SNX29: variants seen among roughly 807,000 people sequenced by gnomAD.
SNX29 encodes sorting nexin-29.
Under a neutral mutation model 102.1 loss-of-function variants are expected in SNX29, and 78 were observed. The ratio of observed to expected loss-of-function variants is 0.76; its 90% CI spans 0.64 to 0.92. The LOEUF (loss-of-function observed/expected upper bound fraction) is 0.92. Ranked by LOEUF, SNX29 falls within the 40% of genes least tolerant of loss-of-function variation. The pLI is 0.00. For synonymous variants in SNX29, 580 were observed against 414.5 expected (o/e 1.40, Z -4.85); for missense variants, 1,280 against 1,061.7 (o/e 1.21, Z -2.86).
At chr16:12,043,532 T>G (rs1215258739) in intron 5 of SNX29, among the ~76,000 whole-genome samples, 2 of 151,958 alleles carry the variant, frequency 1.3e-5, no homozygotes, top group Non-Finnish European at 2.9e-5. Flanking sequence ...TTTAAAAAAT[T>G]TTTTTGTAGC....
intron 20 of SNX29, among the ~76,000 whole-genome samples, chr16:12,544,178 G>T (rs2077477307): frequency 6.6e-6 from 1 of 152,192 alleles, no homozygotes; most frequent in African/African-American, 2.4e-5. Context: ...GGGAATCGGT[G>T]GTGTGCACAT....
rs190590673 is a variant in SNX29 at position 12,571,082 on chromosome 16, A to T, written c.*2453A>T. ...ATGCTGGTGGCCCGCACATGACAGC[A>T]ACTCCCCGAAGCCTTCCCTTTGGAA... On this transcript the variant is annotated 3_prime_UTR_variant, in exon 21 of 21. Coordinates refer to ENST00000566228, the MANE Select transcript of SNX29 (RefSeq NM_032167.5). 1,084 of 232,692 alleles carry T rather than the reference A, an allele frequency of 4.7e-3. 9 individuals are homozygous for T. Among genetic ancestry groups the T allele is most frequent in the South Asian group, 0.022 (121 of 5,528 alleles). 14.4% of individuals were successfully genotyped at this position (232,692 alleles called of 1,614,324 possible).
At chr16:12,208,285 A>G (rs1420988806) in intron 14 of SNX29, among the ~76,000 whole-genome samples, 11 of 152,148 alleles carry the variant, frequency 7.2e-5, no homozygotes, top group Non-Finnish European at 1.2e-4. Context: ...AGTGGGGAGC[A>G]TTGAGTTTTG....
intron 14 of SNX29, among the ~76,000 whole-genome samples, chr16:12,247,562 G>A (rs576048151): frequency 6.6e-6 from 1 of 152,258 alleles, no homozygotes; most frequent in South Asian, 2.1e-4. Flanking sequence ...TGATTGACAT[G>A]GGCACAGAGT....
chr16:12,006,438 C>T (rs978553854), intron 3 of SNX29, among the ~76,000 whole-genome samples: 1 of 151,116 alleles, frequency 6.6e-6, no homozygotes, highest in East Asian at 1.9e-4. Flanking sequence ...AGTGCTTGAA[C>T]CCAGGAGGCG....
chr16:12,541,507 C>T (rs762175160), intron 20 of SNX29, among the ~76,000 whole-genome samples: 1 of 152,100 alleles, frequency 6.6e-6, no homozygotes, highest in African/African-American at 2.4e-5. Flanking sequence ...GATCTGAGTC[C>T]CAAGTCATAA....
intron 3 of SNX29, among the ~76,000 whole-genome samples, chr16:12,023,084 T>A (rs1361511925): frequency 6.6e-6 from 1 of 151,282 alleles, no homozygotes; most frequent in African/African-American, 2.4e-5. Context: ...TTTAGTAGAG[T>A]TGAGATTTCA....
chr16:12,514,448 G>A (rs9931829), intron 19 of SNX29, among the ~76,000 whole-genome samples: 4,625 of 152,292 alleles, frequency 0.03, 161 homozygotes, highest in African/African-American at 0.087. Flanking sequence ...GTGGATATAA[G>A]GGCACTGGCT....
chr16:12,313,714 A>C (rs990790177), intron 15 of SNX29, among the ~76,000 whole-genome samples: 8 of 152,130 alleles, frequency 5.3e-5, no homozygotes, highest in African/African-American at 1.9e-4. Flanking sequence ...TGCATCCCCC[A>C]CACCTCACCC....
chr16:12,019,591 T>TATAGATAGATAG (rs538458322), intron 3 of SNX29, among the ~76,000 whole-genome samples: 41 of 142,830 alleles, frequency 2.9e-4, no homozygotes, highest in South Asian at 8.7e-4. Flanking sequence ...AATATATATA[T>TATAGATAGATAG]ATAGATAGAT....
At chr16:12,356,043 G>T in intron 15 of SNX29, 120 bp from the exon 16 acceptor site, 1 of 833,510 alleles carries the variant, frequency 1.2e-6, no homozygotes, top group Non-Finnish European at 1.9e-6. Flanking sequence ...ATTGACTCCA[G>T]CCCCAACAGC....
chr16:12,261,503 G>A (rs2078761292), intron 14 of SNX29, among the ~76,000 whole-genome samples: 1 of 148,042 alleles, frequency 6.8e-6, no homozygotes, highest in Non-Finnish European at 1.5e-5. Context: ...GCTGGAGTGA[G>A]TGTTTGCTGA....
chr16:12,414,191 T>A (rs1037332256), intron 18 of SNX29, among the ~76,000 whole-genome samples: 22 of 152,178 alleles, frequency 1.4e-4, no homozygotes, highest in African/African-American at 4.6e-4. Flanking sequence ...AACCCACTGA[T>A]ACGGAGGGCT....
chr16:12,202,134 A>G (rs1425242039), intron 14 of SNX29, among the ~76,000 whole-genome samples: 2 of 152,144 alleles, frequency 1.3e-5, no homozygotes, highest in Admixed American at 6.5e-5. Context: ...CTGCATTATT[A>G]CATTCTTGTG....
At chr16:12,056,002 C>CT (rs2050505974) in intron 8 of SNX29, among the ~76,000 whole-genome samples, 1 of 152,184 alleles carries the variant, frequency 6.6e-6, no homozygotes, top group African/African-American at 2.4e-5. Context: ...CTGCCTCAGC[C>CT]TCCAGAGTAG....
chr16:12,089,635 TG>T, intron 11 of SNX29: 1 of 186,968 alleles, frequency 5.3e-6, no homozygotes, highest in South Asian at 6.7e-5. Flanking sequence ...GTGGTACCGC[TG>T]GCATTGCGCT....
intron 16 of SNX29, among the ~76,000 whole-genome samples, chr16:12,362,998 A>G (rs937120605): frequency 6.6e-6 from 1 of 152,280 alleles, no homozygotes; most frequent in Middle Eastern, 3.4e-3. Context: ...CCTCTGTGCC[A>G]TGCTCCCTCT....
chr16:12,323,336 C>A (rs1468782086), intron 15 of SNX29, among the ~76,000 whole-genome samples: 1 of 152,108 alleles, frequency 6.6e-6, no homozygotes, highest in African/African-American at 2.4e-5. Context: ...TGCTGTCTGC[C>A]CACCACTACT....
At chr16:12,383,239 G>A (rs925507953) in intron 16 of SNX29, among the ~76,000 whole-genome samples, 1 of 152,144 alleles carries the variant, frequency 6.6e-6, no homozygotes, top group Admixed American at 6.6e-5. Flanking sequence ...AGGGTGGAAA[G>A]ATACATGCAA....
Sources: allele counts gnomAD v4.1 joint callset (sites outside exome capture counted in the v4.1 genomes callset), GRCh38; gene constraint gnomAD v4.1.1; transcripts MANE v1.5; gene names NCBI Gene and HGNC (gene_info 2026-07-23, HGNC 2026-07-21).